The following SYNE3 variants were observed in gnomAD, a reference collection of about 807,000 sequenced individuals.
SYNE3 encodes the protein spectrin repeat containing nuclear envelope family member 3.
SYNE3 carries 100 observed loss-of-function variants against 111.2 expected under a neutral mutation model. The ratio of observed to expected loss-of-function variants is 0.90; its 90% CI spans 0.77 to 1.06. The LOEUF (loss-of-function observed/expected upper bound fraction) is 1.06. Ranked by LOEUF, SYNE3 falls within the 50% of genes least tolerant of loss-of-function variation. The pLI, the probability that SYNE3 is intolerant of heterozygous loss-of-function variation, is 0.00. For missense variants in SYNE3, 1,160 were observed against 1,240.3 expected (o/e 0.94, Z 0.97); for synonymous variants, 547 against 533.9 (o/e 1.02, Z -0.34).
chr14:95,433,804 A>G (rs1885927946), intron 15 of SYNE3, among the ~76,000 whole-genome samples: 1 of 152,198 alleles, frequency 6.6e-6, no homozygotes, highest in African/African-American at 2.4e-5. Flanking sequence ...TTCTCAGGAA[A>G]TAGAAGTACT....
At chr14:95,460,367 G>GC (rs1887715001) in intron 4 of SYNE3, among the ~76,000 whole-genome samples, 1 of 85,238 alleles carries the variant, frequency 1.2e-5, no homozygotes, top group South Asian at 5.2e-4. Flanking sequence ...ACGATGCCTA[G>GC]TTTTTTTTTT....
rs535008509 is a variant in SYNE3, at chr14:95,437,927, C to T, written c.2377-946G>A. The T allele has an allele frequency of 2.0e-5, 3 of 152,330 alleles. No homozygotes were observed. In the South Asian group the frequency reaches 6.2e-4, roughly 32 times the overall value. 9.4% of individuals were successfully genotyped at this position (152,330 alleles called of 1,614,324 possible). On this transcript the variant is annotated intron_variant, in intron 14 of 17. Transcript: ENST00000682763. ...CCCGATGCTCTCTCCCTTGCAGGTG[C>T]TACTGCTAGTGGCTCACAGAGGTGA... is the stretch of plus-strand genomic sequence containing the variant.
chr14:95,506,574 G>A (rs771843669), intron 1 of SYNE3, among the ~76,000 whole-genome samples: 2 of 152,220 alleles, frequency 1.3e-5, no homozygotes, highest in Non-Finnish European at 2.9e-5. Flanking sequence ...TGCACGTGCT[G>A]GGGACAGAGG....
At chr14:95,422,667 A>G (rs1437761822) in intron 17 of SYNE3, among the ~76,000 whole-genome samples, 1 of 152,064 alleles carries the variant, frequency 6.6e-6, no homozygotes, top group Non-Finnish European at 1.5e-5. Context: ...CACTACAAAG[A>G]TGCTTCCAGG....
At chr14:95,487,917 T>TTCCTCC (rs57519352) in intron 1 of SYNE3, among the ~76,000 whole-genome samples, 40 of 149,880 alleles carry the variant, frequency 2.7e-4, no homozygotes, top group African/African-American at 8.3e-4. Context: ...ACCCCTCCTC[T>TTCCTCC]TCCTCCTCCT....
intron 17 of SYNE3, among the ~76,000 whole-genome samples, chr14:95,423,347 A>G (rs1885241462): frequency 1.3e-5 from 2 of 152,140 alleles, no homozygotes. Context: ...TCCCTTCTGC[A>G]CCTTTCCTTA....
chr14:95,439,261 C>T, intron 13 of SYNE3, 99 bp from the exon 14 acceptor site: 1 of 1,528,620 alleles, frequency 6.5e-7, no homozygotes. Context: ...GGTCACGAGT[C>T]AGTGCCCCCC....
intron 1 of SYNE3, among the ~76,000 whole-genome samples, chr14:95,482,973 A>G (rs1477373578): frequency 6.6e-6 from 1 of 152,178 alleles, no homozygotes. Context: ...CCCTGGTGCC[A>G]CACAGCTTCC....
intron 1 of SYNE3, among the ~76,000 whole-genome samples, chr14:95,509,874 T>A (rs1890661540): frequency 6.6e-6 from 1 of 152,160 alleles, no homozygotes; most frequent in Admixed American, 6.5e-5. Flanking sequence ...TGAATATCAG[T>A]GAAACAAACT....
intron 1 of SYNE3, among the ~76,000 whole-genome samples, chr14:95,479,204 T>C (rs142842003): frequency 0.015 from 1,887 of 124,174 alleles, 96 homozygotes; most frequent in Admixed American, 0.15. Context: ...CCAAGCAGCA[T>C]AGTGAGACCT....
intron 17 of SYNE3, among the ~76,000 whole-genome samples, chr14:95,418,537 C>G (rs750136961): frequency 6.6e-6 from 1 of 152,150 alleles, no homozygotes; most frequent in Non-Finnish European, 1.5e-5. Flanking sequence ...AATTTATCAT[C>G]GTCACTTTCT....
intron 17 of SYNE3, chr14:95,429,964 A>T: frequency 1.1e-6 from 1 of 949,704 alleles, no homozygotes; most frequent in Non-Finnish European, 1.2e-6. Flanking sequence ...GCACAGTCAG[A>T]ACTAAGGAAG....
At chr14:95,457,414 G>T in intron 4 of SYNE3, 76 bp from the exon 5 acceptor site, 1 of 1,540,276 alleles carries the variant, frequency 6.5e-7, no homozygotes, top group Non-Finnish European at 8.8e-7. Context: ...CCCGTAGCCT[G>T]CCTGGGTGTG....
rs200309130 is a variant in SYNE3, at chr14:95,475,775, G to A, written c.47C>T (p.Ala16Val). 2.5e-5 allele frequency: 40 copies of A among 1,604,024 alleles called. No homozygotes were observed. Among genetic ancestry groups the A allele is most frequent in the Non-Finnish European group, 3.2e-5 (38 of 1,176,002 alleles). ...CTGCACAGCCTTCATCCATGCCTGGGCATCCTCCACGCTCCTGTCAAAGTC... is the reference window on the plus strand; with the variant it reads ...CTGCACAGCCTTCATCCATGCCTGGACATCCTCCACGCTCCTGTCAAAGTC... ...QDDFDRSVED[A>V]QAWMKAVQDQ... Residue 16 changes from alanine to valine, a missense_variant, in exon 2 of 18, where the codon GCC becomes GTC. Transcript: ENST00000682763.
intron 16 of SYNE3, among the ~76,000 whole-genome samples, 163 bp downstream of exon 16, chr14:95,433,097 A>G (rs1316015050): frequency 6.6e-6 from 1 of 152,174 alleles, no homozygotes; most frequent in East Asian, 1.9e-4. Context: ...AAGTGCCCAG[A>G]ACCCATGAGT....
chr14:95,475,809 G>T lies in SYNE3; in HGVS notation c.13C>A (p.Pro5Thr). MTQQ[P>T]QDDFDRSVED... ...ACGCTCCTGTCAAAGTCGTCCTGGG[G>T]CTGCTGAGTCATGGCACCTGCAGGG... Residue 5 changes from proline to threonine, a missense_variant, in exon 2 of 18, where the codon CCC (proline) becomes ACC (threonine). Coordinates refer to ENST00000682763, the MANE Select transcript of SYNE3 (RefSeq NM_152592.6). The T allele has an allele frequency of 6.4e-7, 1 of 1,566,670 alleles. No individual in the cohort carries two copies. Among genetic ancestry groups the T allele is most frequent in the Non-Finnish European group, 8.6e-7 (1 of 1,158,704 alleles).
chr14:95,454,189 G>A (rs1250065511), intron 6 of SYNE3, among the ~76,000 whole-genome samples: 2 of 152,256 alleles, frequency 1.3e-5, no homozygotes, highest in Non-Finnish European at 2.9e-5. Flanking sequence ...AGTCCCAGGG[G>A]GGATGGATCC....
intron 17 of SYNE3, among the ~76,000 whole-genome samples, chr14:95,431,362 C>A (rs950611011): frequency 6.6e-6 from 1 of 152,120 alleles, no homozygotes; most frequent in African/African-American, 2.4e-5. Context: ...TCTGTTTCCT[C>A]GCGCTGAAAG....
chr14:95,434,691 CTT>C (rs1189223437), intron 15 of SYNE3, among the ~76,000 whole-genome samples: 1 of 152,162 alleles, frequency 6.6e-6, no homozygotes, highest in Non-Finnish European at 1.5e-5. Flanking sequence ...GAGTTTCGCT[CTT>C]GTTGCCCAGG....
Sources: gnomAD v4.1 joint callset for allele counts (sites outside exome capture counted in the v4.1 genomes callset) on GRCh38, gnomAD v4.1.1 for gene constraint, MANE v1.5 for transcripts, NCBI Gene and HGNC (gene_info 2026-07-23, HGNC 2026-07-21) for gene names.